Variants in SPA17 observed in about 807,000 individuals in gnomAD.
SPA17 encodes the protein sperm surface protein Sp17.
In SPA17, 7 loss-of-function variants were observed where a neutral mutation model predicts 13.8. The ratio of observed to expected loss-of-function variants is 0.51; its 90% confidence interval spans 0.29 to 0.95. SPA17 has a LOEUF of 0.95. Among genes scored for constraint, SPA17 ranks in the 40% least tolerant of loss-of-function variants. The probability of loss-of-function intolerance (pLI) is 0.08; values close to 1 mark genes in which losing one functional copy is unlikely to be tolerated. For synonymous variants in SPA17, 61 were observed against 59.0 expected (o/e 1.03, Z -0.16); for missense variants, 170 against 179.3 (o/e 0.95, Z 0.30).
At chr11:124,685,572 G>T (rs568676859) in intron 3 of SPA17, among the ~76,000 whole-genome samples, 1 of 152,290 alleles carries the variant, frequency 6.6e-6, no homozygotes, top group East Asian at 1.9e-4. Context: ...CCATCCTCCA[G>T]ACCCTAGAGT....
Position 124,691,700 on chromosome 11 carries a change from A to G in SPA17, c.230A>G (p.Gln77Arg). The change falls in exon 4 of 5, where the codon CAA becomes CGA. Residue 77 changes from glutamine to arginine, a missense_variant. Transcript: ENST00000227135. ...GGCTCTCTCCTATCTGTCCAGGAGC[A>G]AGAACCACCTGAGAAAAGTGATCCT... The part of the protein sequence containing the change: ...RFYNNHAFEE[Q>R]EPPEKSDPKQ... The G allele has an allele frequency of 6.2e-7, 1 of 1,611,400 alleles. No homozygotes were observed.
intron 3 of SPA17, among the ~76,000 whole-genome samples, chr11:124,683,907 G>C (rs553380809): frequency 6.6e-6 from 1 of 152,270 alleles, no homozygotes; most frequent in East Asian, 1.9e-4. Flanking sequence ...CCCACTCATA[G>C]CATTAGACAA....
chr11:124,678,531 T>C (rs912478447), intron 2 of SPA17, among the ~76,000 whole-genome samples: 2 of 151,638 alleles, frequency 1.3e-5, no homozygotes, highest in Non-Finnish European at 2.9e-5. Flanking sequence ...TGTGTGTGTG[T>C]GTGTGTGTGT....
At chr11:124,675,103 G>A (rs1054517204) in intron 1 of SPA17, 135 bp from the exon 2 acceptor site, 11 of 776,484 alleles carry the variant, frequency 1.4e-5, no homozygotes, top group Non-Finnish European at 2.0e-5. Context: ...AGAAATGGAT[G>A]GGCTTGGGTT....
rs185113282 is a variant in SPA17, at chr11:124,685,964, C to T, written c.225+4505C>T. 2.6e-3 allele frequency among the ~76,000 whole-genome samples: 393 copies of T among 152,230 alleles called. 3 individuals carry two copies. The highest frequency in any genetic ancestry group is 0.014 in the Middle Eastern group (4 of 294). On this transcript the variant is annotated intron_variant, in intron 3 of 4. Coordinates refer to ENST00000227135, the MANE Select transcript of SPA17 (RefSeq NM_017425.4). ...GGAACTTGCCTTGTCTCAAATAAGACTTTGAACTTGGACTTTTGGGTTAAT... is the reference window on the plus strand; with the variant it reads ...GGAACTTGCCTTGTCTCAAATAAGATTTTGAACTTGGACTTTTGGGTTAAT...
chr11:124,688,210 G>T (rs1565425896), intron 3 of SPA17, among the ~76,000 whole-genome samples: 1 of 152,122 alleles, frequency 6.6e-6, no homozygotes, highest in Admixed American at 6.5e-5. Context: ...ACGGGCTTTT[G>T]CTATGTTGTC....
chr11:124,691,285 A>G (rs1367675719), intron 3 of SPA17, among the ~76,000 whole-genome samples: 1 of 152,182 alleles, frequency 6.6e-6, no homozygotes, highest in Non-Finnish European at 1.5e-5. Context: ...AGTCAATTTG[A>G]TGTCACATTA....
intron 3 of SPA17, among the ~76,000 whole-genome samples, chr11:124,686,190 T>TA (rs375573483): frequency 1.3e-5 from 1 of 74,862 alleles, no homozygotes; most frequent in South Asian, 4.3e-4. Flanking sequence ...GAATCATGGG[T>TA]GGGGGGGGGG....
intron 3 of SPA17, among the ~76,000 whole-genome samples, chr11:124,688,212 T>C (rs541749891): frequency 6.6e-6 from 1 of 152,302 alleles, no homozygotes; most frequent in East Asian, 1.9e-4. Context: ...GGGCTTTTGC[T>C]ATGTTGTCCA....
chr11:124,678,213 A>G (rs1943491998), intron 2 of SPA17, among the ~76,000 whole-genome samples: 1 of 152,130 alleles, frequency 6.6e-6, no homozygotes. Context: ...TGAATTATAT[A>G]TATAGCTGTT....
chr11:124,680,285 G>A (rs1555102498), intron 2 of SPA17, among the ~76,000 whole-genome samples: 1 of 151,802 alleles, frequency 6.6e-6, no homozygotes, highest in Non-Finnish European at 1.5e-5. Flanking sequence ...TATACTTGCA[G>A]AAAAAAAATC....
At position 124,696,872 on chromosome 11, in the gene SPA17, A is replaced by G. The variant is rs559707602; in HGVS notation, c.*2426A>G. 6.6e-6 allele frequency: 1 copy of G among 152,306 alleles called. No individual in the cohort carries two copies. The highest frequency in any genetic ancestry group is 1.5e-5 in the Non-Finnish European group (1 of 68,038). 9.4% of individuals were successfully genotyped at this position (152,306 alleles called of 1,614,324 possible). A position where few individuals can be genotyped will look rare whatever the true frequency, so the allele number is the denominator to read the frequency against. ...CATTTGGATGTCTATAGGCATCTCA[A>G]AAGTAACATATAAAAAATGAATCCT... On this transcript the variant is annotated 3_prime_UTR_variant, in exon 5 of 5. Transcript: ENST00000227135.
At chr11:124,686,900 A>G (rs1369135675) in intron 3 of SPA17, among the ~76,000 whole-genome samples, 3 of 152,174 alleles carry the variant, frequency 2.0e-5, no homozygotes, top group Admixed American at 6.5e-5. Context: ...TTGAAAAGCA[A>G]GAACAAACGA....
At chr11:124,680,438 C>T (rs564472344) in intron 2 of SPA17, among the ~76,000 whole-genome samples, 20 of 152,220 alleles carry the variant, frequency 1.3e-4, no homozygotes, top group South Asian at 8.3e-4. Flanking sequence ...GGGAAAATGA[C>T]GTAATTTCAT....
At chr11:124,686,727 T>A (rs1019549780) in intron 3 of SPA17, among the ~76,000 whole-genome samples, 1 of 151,704 alleles carries the variant, frequency 6.6e-6, no homozygotes, top group African/African-American at 2.4e-5. Context: ...GACAGAAATT[T>A]AAAAAAAACT....
chr11:124,691,784 T>C lies in SPA17; in HGVS notation c.312+2T>C, dbSNP rs558869128. 6.3e-7 allele frequency: 1 copy of C among 1,593,556 alleles called. No individual in the cohort carries two copies. The highest frequency in any genetic ancestry group is 1.7e-5 in the Admixed American group (1 of 58,294). On this transcript the variant is annotated splice_donor_variant, in intron 4 of 4. Transcript: ENST00000227135. LOFTEE classifies it high-confidence loss of function. Reference sequence around the variant, plus strand: ...GAAGAGACATCAGTCACCATCTTAGTATGTAATATTTTTCATGTACTATTG... The same window carrying C: ...GAAGAGACATCAGTCACCATCTTAGCATGTAATATTTTTCATGTACTATTG...
chr11:124,689,205 A>C (rs1416340535), intron 3 of SPA17, among the ~76,000 whole-genome samples: 1 of 152,194 alleles, frequency 6.6e-6, no homozygotes, highest in Non-Finnish European at 1.5e-5. Context: ...AAAACTGTAA[A>C]AATACTAGAA....
rs373141715 is a variant in SPA17, at chr11:124,683,829, TA to T, written c.225+2378del. 3.6e-4 allele frequency among the ~76,000 whole-genome samples: 55 copies of T among 152,234 alleles called. No homozygotes were observed. The East Asian group carries it at 5.4e-3, about 15-fold the overall frequency. ...CCAGCACTGGAGCAACCAGATTCAT[TA>T]AAAAAAATTTCTATGTCTAAAGACA... On this transcript the variant is annotated intron_variant, in intron 3 of 4. Coordinates refer to ENST00000227135, the MANE Select transcript of SPA17 (RefSeq NM_017425.4).
intron 3 of SPA17, among the ~76,000 whole-genome samples, chr11:124,683,110 C>T (rs1376115788): frequency 2.0e-5 from 3 of 152,060 alleles, no homozygotes; most frequent in Admixed American, 6.6e-5. Flanking sequence ...CAACTATCAG[C>T]CAGGAATTCT....
Sources: gnomAD v4.1 joint callset for allele counts (sites outside exome capture counted in the v4.1 genomes callset) on GRCh38, gnomAD v4.1.1 for gene constraint, MANE v1.5 for transcripts, NCBI Gene and HGNC (gene_info 2026-07-23, HGNC 2026-07-21) for gene names.